Variants in NCOA1 observed in about 807,000 individuals in gnomAD.
The protein encoded by NCOA1 is nuclear receptor coactivator 1.
A neutral mutation model predicts 150.9 loss-of-function variants in NCOA1; 35 were observed. The ratio of observed to expected loss-of-function variants is 0.23; its 90% CI spans 0.18 to 0.31. NCOA1 has a LOEUF of 0.31. NCOA1 is among the 10% of genes least tolerant of loss of function. The pLI, the probability that NCOA1 is intolerant of heterozygous loss-of-function variation, is 1.00. For missense variants in NCOA1, 1,491 were observed against 1,749.3 expected (o/e 0.85, Z 2.63); for synonymous variants, 590 against 630.0 (o/e 0.94, Z 0.95).
At chr2:24,599,445 C>T (rs940086566) in intron 3 of NCOA1, among the ~76,000 whole-genome samples, 8 of 152,138 alleles carry the variant, frequency 5.3e-5, no homozygotes, top group Non-Finnish European at 1.0e-4. Flanking sequence ...TCAGTGTCTA[C>T]TGTGACAAAG....
At chr2:24,763,524 C>T (rs186567562) in intron 22 of NCOA1, among the ~76,000 whole-genome samples, 1,658 of 112,986 alleles carry the variant, frequency 0.015, 38 homozygotes, top group African/African-American at 0.055. Flanking sequence ...TGGGCGACAG[C>T]GAGACTCCAT....
chr2:24,558,197 G>A (rs1666156824), intron 1 of NCOA1, among the ~76,000 whole-genome samples: 1 of 151,798 alleles, frequency 6.6e-6, no homozygotes, highest in Admixed American at 6.6e-5. Flanking sequence ...TTATTGACCT[G>A]TATGCAAGTT....
intron 1 of NCOA1, among the ~76,000 whole-genome samples, chr2:24,501,894 C>G (rs1014676321): frequency 4.6e-5 from 7 of 152,136 alleles, no homozygotes; most frequent in Admixed American, 2.0e-4. Context: ...CTCTACTCAT[C>G]CAGTTGTACC....
In NCOA1 at chr2:24,602,554, A is replaced by G. The variant is rs988848122; in HGVS notation, c.-175+17994A>G. 4.6e-5 allele frequency among the ~76,000 whole-genome samples: 7 copies of G among 152,306 alleles called. No individual in the cohort carries two copies. In the South Asian group the frequency reaches 6.2e-4, roughly 14 times the overall value. On this transcript the variant is annotated intron_variant, in intron 3 of 22. Coordinates refer to ENST00000348332, the MANE Select transcript of NCOA1 (RefSeq NM_003743.5). ...AGTTATTTTCCAAATTTACGTAGTA[A>G]CTAGCACTTTCTTGAATATTTCTTT...
chr2:24,715,204 AAAT>A (rs1232987720), intron 14 of NCOA1, among the ~76,000 whole-genome samples: 3 of 152,194 alleles, frequency 2.0e-5, no homozygotes, highest in African/African-American at 7.2e-5. Flanking sequence ...AACCTACAGA[AAAT>A]AATAAGAGAG....
intron 14 of NCOA1, among the ~76,000 whole-genome samples, chr2:24,718,859 ACT>A (rs1454389466): frequency 1.4e-5 from 2 of 146,394 alleles, no homozygotes; most frequent in African/African-American, 2.5e-5. Context: ...ACAGAATGAG[ACT>A]CTGTCTCAAA....
chr2:24,770,277 G>A lies in NCOA1; in HGVS notation c.*1886G>A, dbSNP rs748240853. 7.0e-5 allele frequency: 16 copies of A among 229,688 alleles called. No homozygotes were observed. The highest frequency in any genetic ancestry group is 3.6e-4 in the South Asian group (2 of 5,512). The allele number at this position is 229,688 out of a possible 1,614,324, so 14.2% of individuals were successfully genotyped here. A position where few individuals can be genotyped will look rare whatever the true frequency, so the allele number is the denominator to read the frequency against. Reference sequence around the variant, plus strand: ...CATTTTGTTTGTGATATTTAGACGCGCAGACTTCAGGAAGTTCACCTTTAA... The same window carrying A: ...CATTTTGTTTGTGATATTTAGACGCACAGACTTCAGGAAGTTCACCTTTAA... On this transcript the variant is annotated 3_prime_UTR_variant, in exon 23 of 23. Transcript: ENST00000348332.
intron 1 of NCOA1, among the ~76,000 whole-genome samples, chr2:24,512,321 C>G (rs548213641): frequency 1.3e-5 from 2 of 152,152 alleles, no homozygotes; most frequent in Admixed American, 1.3e-4. Flanking sequence ...TTTAGGAGCT[C>G]AATAGGTTTA....
intron 2 of NCOA1, among the ~76,000 whole-genome samples, chr2:24,570,839 T>C (rs1188702308): frequency 1.3e-5 from 2 of 152,210 alleles, no homozygotes; most frequent in Admixed American, 6.5e-5. Flanking sequence ...GAGACATATG[T>C]CTTGTTTTTC....
intron 17 of NCOA1, among the ~76,000 whole-genome samples, chr2:24,732,900 A>C (rs892063200): frequency 1.3e-5 from 2 of 151,432 alleles, no homozygotes; most frequent in African/African-American, 4.9e-5. Context: ...TTCCCACCCC[A>C]TCCCCCGCCA....
At chr2:24,765,360 A>G (rs1290470357) in intron 22 of NCOA1, among the ~76,000 whole-genome samples, 2 of 151,974 alleles carry the variant, frequency 1.3e-5, no homozygotes, top group Non-Finnish European at 2.9e-5. Context: ...TTAGCCAGGC[A>G]TGGTGGCGGG....
At chr2:24,742,274 A>T in intron 19 of NCOA1, 88 bp downstream of exon 19, 1 of 1,445,874 alleles carries the variant, frequency 6.9e-7, no homozygotes, top group Non-Finnish European at 9.3e-7. Context: ...TGGACATTAA[A>T]ATAGTGTGTG....
intron 3 of NCOA1, among the ~76,000 whole-genome samples, chr2:24,601,476 A>G (rs1419265497): frequency 6.6e-6 from 1 of 152,158 alleles, no homozygotes; most frequent in East Asian, 1.9e-4. Flanking sequence ...CTGCCTCCCA[A>G]AGTGCTGGGA....
intron 14 of NCOA1, among the ~76,000 whole-genome samples, chr2:24,722,782 C>A (rs1310913711): frequency 6.6e-6 from 1 of 151,470 alleles, no homozygotes; most frequent in Admixed American, 6.6e-5. Flanking sequence ...TAAAAAGATC[C>A]ATTTTTCAGC....
At chr2:24,492,965 CA>C (rs10630950) in intron 1 of NCOA1, among the ~76,000 whole-genome samples, 1 of 145,196 alleles carries the variant, frequency 6.9e-6, no homozygotes, top group Non-Finnish European at 1.5e-5. Flanking sequence ...AGGCTAGTCT[CA>C]AAAAAAAAGC....
intron 17 of NCOA1, among the ~76,000 whole-genome samples, chr2:24,734,570 A>G (rs1025701438): frequency 7.9e-5 from 12 of 152,150 alleles, no homozygotes; most frequent in Non-Finnish European, 1.5e-4. Context: ...GTAGGCAGGA[A>G]GATTGCTTGA....
At chr2:24,498,020 G>T (rs1663298069) in intron 1 of NCOA1, among the ~76,000 whole-genome samples, 1 of 152,106 alleles carries the variant, frequency 6.6e-6, no homozygotes. Context: ...GTATTCTATT[G>T]TGAATGTATG....
intron 3 of NCOA1, among the ~76,000 whole-genome samples, chr2:24,613,040 G>A (rs1355034701): frequency 1.3e-5 from 2 of 151,996 alleles, no homozygotes; most frequent in Non-Finnish European, 2.9e-5. Flanking sequence ...TTATTTTCAT[G>A]CAGGTAGGAT....
intron 1 of NCOA1, among the ~76,000 whole-genome samples, chr2:24,508,434 A>G (rs1663794817): frequency 6.6e-6 from 1 of 150,736 alleles, no homozygotes; most frequent in South Asian, 2.1e-4. Context: ...TTGCAATGAC[A>G]AAAAAAAAGG....
Sources: allele counts gnomAD v4.1 joint callset (sites outside exome capture counted in the v4.1 genomes callset), GRCh38; gene constraint gnomAD v4.1.1; transcripts MANE v1.5; gene names NCBI Gene and HGNC (gene_info 2026-07-23, HGNC 2026-07-21).